STX1B: variants seen among roughly 807,000 people sequenced by gnomAD.
STX1B encodes the protein syntaxin-1B.
Under a neutral mutation model 39.4 loss-of-function variants are expected in STX1B, and 7 were observed. The observed-to-expected ratio is 0.18, with a 90% CI of 0.10 to 0.33. The LOEUF is 0.33. Ranked by LOEUF, STX1B falls within the 10% of genes least tolerant of loss-of-function variation. The pLI is 1.00. For missense variants in STX1B, 198 were observed against 383.2 expected (o/e 0.52, Z 4.04); for synonymous variants, 136 against 144.1 (o/e 0.94, Z 0.40).
Position 31,001,415 on chromosome 16 carries a change from G to A in STX1B, c.105+114C>T. 1 of 905,604 alleles carries A rather than the reference G, an allele frequency of 1.1e-6. No individual in the cohort carries two copies. Among genetic ancestry groups the A allele is most frequent in the Non-Finnish European group, 1.7e-6 (1 of 597,142 alleles). 56.1% of individuals were successfully genotyped at this position (905,604 alleles called of 1,614,324 possible). ...CTGGGCGGTGGGACTAGGGGCTGGG[G>A]CTGGGTGCTGGGGCTGGGGCTGGGT... On this transcript the variant is annotated intron_variant, in intron 2 of 9. Transcript: ENST00000215095. The surrounding 1 kb of genome is among the most constrained non-coding windows in gnomAD (Gnocchi z 5.5).
intron 1 of STX1B, among the ~76,000 whole-genome samples, chr16:31,008,700 T>A (rs935037011): frequency 1.3e-5 from 2 of 152,152 alleles, no homozygotes; most frequent in Admixed American, 6.5e-5. Flanking sequence ...GATGAAAGCC[T>A]GCTCTGCAAA....
At chr16:31,003,906 G>A (rs145524372) in intron 1 of STX1B, among the ~76,000 whole-genome samples, 23 of 152,322 alleles carry the variant, frequency 1.5e-4, no homozygotes, top group Non-Finnish European at 3.2e-4. Flanking sequence ...TCACAGATGA[G>A]GGAACAGGAA....
intron 5 of STX1B, 78 bp from the exon 6 acceptor site, chr16:30,997,137 G>T: frequency 1.0e-6 from 1 of 973,672 alleles, no homozygotes; most frequent in Non-Finnish European, 1.6e-6. Context: ...CAGAGACCGA[G>T]GCAGGTGAGG....
At chr16:30,997,659 C>T (rs185632014) in intron 4 of STX1B, 84 bp from the exon 5 acceptor site, 3 of 1,311,178 alleles carry the variant, frequency 2.3e-6, no homozygotes, top group South Asian at 2.6e-5. Context: ...GTCAACACCC[C>T]GCGGCAGCGC....
intron 7 of STX1B, among the ~76,000 whole-genome samples, chr16:30,995,550 G>A (rs2056587587): frequency 6.6e-6 from 1 of 151,496 alleles, no homozygotes; most frequent in South Asian, 2.1e-4. Flanking sequence ...GGAGTGCAGT[G>A]GCAAGATCTC....
intron 5 of STX1B, among the ~76,000 whole-genome samples, 157 bp from the exon 6 acceptor site, chr16:30,997,216 G>A (rs1351912391): frequency 2.0e-5 from 3 of 152,134 alleles, no homozygotes; most frequent in Non-Finnish European, 4.4e-5. Flanking sequence ...AGCTCTGGCC[G>A]CGATCCCAAA....
At chr16:31,002,887 G>C (rs2056638044) in intron 1 of STX1B, among the ~76,000 whole-genome samples, 1 of 152,176 alleles carries the variant, frequency 6.6e-6, no homozygotes, top group South Asian at 2.1e-4. Context: ...TACTCAGTTG[G>C]AATCCAAAAA....
At position 30,996,767 on chromosome 16, in the gene STX1B, A is replaced by G; in HGVS notation, c.464-11T>C. The G allele has an allele frequency of 6.2e-7, 1 of 1,613,920 alleles. No individual in the cohort carries two copies. On this transcript the variant is annotated splice_polypyrimidine_tract_variant and intron_variant, in intron 6 of 9. Coordinates refer to ENST00000215095, the MANE Select transcript of STX1B (RefSeq NM_052874.5). ...TGGTGGTCCTTCCAGCTGCGGGAAGAAAGGACTCCCTGCTCGGGGGCTGGG... is the reference window on the plus strand; with the variant it reads ...TGGTGGTCCTTCCAGCTGCGGGAAGGAAGGACTCCCTGCTCGGGGGCTGGG...
At chr16:31,006,409 GA>G (rs1567380951) in intron 1 of STX1B, among the ~76,000 whole-genome samples, 1 of 152,108 alleles carries the variant, frequency 6.6e-6, no homozygotes, top group Non-Finnish European at 1.5e-5. Flanking sequence ...TCATCTAACG[GA>G]TGTGTCTGAT....
chr16:31,007,803 C>T (rs544627070), intron 1 of STX1B, among the ~76,000 whole-genome samples: 1 of 152,266 alleles, frequency 6.6e-6, no homozygotes, highest in East Asian at 1.9e-4. Context: ...GGCGCCAGGC[C>T]CCCTCCTAGG....
chr16:30,995,786 C>T (rs980643322), intron 7 of STX1B, among the ~76,000 whole-genome samples: 2 of 152,078 alleles, frequency 1.3e-5, no homozygotes, highest in Admixed American at 6.5e-5. Context: ...CCACTGGGCC[C>T]GGCCAGCCCA....
intron 7 of STX1B, 44 bp downstream of exon 7, chr16:30,996,639 G>A (rs1359841457): frequency 5.0e-6 from 8 of 1,591,082 alleles, no homozygotes; most frequent in Non-Finnish European, 5.2e-6. Context: ...GGGAGGGGAG[G>A]CAAAAATTTT....
chr16:30,994,047 C>T (rs1219544813), intron 7 of STX1B, among the ~76,000 whole-genome samples: 2 of 150,970 alleles, frequency 1.3e-5, no homozygotes, highest in Admixed American at 6.6e-5. Context: ...AATCCCAGAA[C>T]TTTGGGAGGC....
chr16:30,996,934 GT>G lies in STX1B; in HGVS notation c.463+16del. 1 of 1,606,408 alleles carries G rather than the reference GT, an allele frequency of 6.2e-7. No homozygotes were observed. Among genetic ancestry groups the G allele is most frequent in the Non-Finnish European group, 8.5e-7 (1 of 1,175,156 alleles). Reference sequence around the variant, plus strand: ...GCCTCAAGGAGTTCGGGGTCCTGGGGTGGGGGGCACACGCACTGATCTCCAG... The same window carrying G: ...GCCTCAAGGAGTTCGGGGTCCTGGGGGGGGGGCACACGCACTGATCTCCAG... On this transcript the variant is annotated intron_variant, in intron 6 of 9. Coordinates refer to ENST00000215095, the MANE Select transcript of STX1B (RefSeq NM_052874.5).
chr16:31,009,439 A>C (rs538923909), intron 1 of STX1B, among the ~76,000 whole-genome samples: 70 of 151,906 alleles, frequency 4.6e-4, no homozygotes, highest in African/African-American at 1.6e-3. Context: ...TATTAACATA[A>C]CACCACCAGC....
At chr16:31,010,138 C>G (rs2056673523) in intron 1 of STX1B, among the ~76,000 whole-genome samples, 1 of 152,120 alleles carries the variant, frequency 6.6e-6, no homozygotes, top group Non-Finnish European at 1.5e-5. Flanking sequence ...CCCCTGAGAC[C>G]TCTCCTGCCC....
intron 1 of STX1B, 49 bp downstream of exon 1, chr16:31,010,318 C>T: frequency 8.9e-7 from 1 of 1,122,802 alleles, no homozygotes; most frequent in East Asian, 2.9e-5. Flanking sequence ...CCACGCGCTC[C>T]CCCAATATTG....
intron 4 of STX1B, among the ~76,000 whole-genome samples, chr16:30,999,892 G>T (rs1287065904): frequency 1.3e-5 from 2 of 152,194 alleles, no homozygotes; most frequent in Admixed American, 1.3e-4. Context: ...CTGGAGCAAG[G>T]GGGAAAGCTG....
chr16:30,993,413 C>T lies in STX1B; in HGVS notation c.609G>A (p.Lys203=), dbSNP rs61733980. 2.8e-4 allele frequency: 454 copies of T among 1,614,120 alleles called. 1 individual carries two copies. The African/African-American group carries it at 5.7e-3, about 20-fold the overall frequency. The part of the protein sequence containing the change: ...EIETRHNEII[K]LETSIRELHD... ...GCAGCTCGCGGATGCTGGTCTCCAG[C>T]TTGATGATCTCATTGTGCCTCGTCT... Residue 203 remains lysine (K), a synonymous_variant, in exon 8 of 10, where the codon AAG becomes AAA. Coordinates refer to ENST00000215095, the MANE Select transcript of STX1B (RefSeq NM_052874.5).
Sources: gnomAD v4.1 joint callset for allele counts (sites outside exome capture counted in the v4.1 genomes callset) on GRCh38, gnomAD v4.1.1 for gene constraint, Gnocchi (gnomAD v3.1) non-coding constraint, MANE v1.5 for transcripts, NCBI Gene and HGNC (gene_info 2026-07-23, HGNC 2026-07-21) for gene names.